The following HS6ST2 variants were observed in gnomAD, a reference collection of about 807,000 sequenced individuals.
The protein encoded by HS6ST2 is heparan-sulfate 6-O-sulfotransferase 2.
Under a neutral mutation model 33.0 loss-of-function variants are expected in HS6ST2, and 17 were observed. The ratio of observed to expected loss-of-function variants is 0.52; its 90% CI spans 0.35 to 0.77. HS6ST2 has a LOEUF of 0.77. Among genes scored for constraint, HS6ST2 ranks in the 30% least tolerant of loss-of-function variants. The pLI is 0.01. For missense variants in HS6ST2, 519 were observed against 551.7 expected (o/e 0.94, Z 0.59); for synonymous variants, 248 against 237.1 (o/e 1.05, Z -0.42).
At chrX:132,734,783 C>T (rs2064492959) in intron 2 of HS6ST2, among the ~76,000 whole-genome samples, 1 of 112,876 alleles carries the variant, frequency 8.9e-6, no homozygotes, top group Admixed American at 9.3e-5. Context: ...AACCAAAGCA[C>T]CATCTTTAGG....
intron 2 of HS6ST2, among the ~76,000 whole-genome samples, chrX:132,829,034 T>G (rs988167498): frequency 2.9e-5 from 3 of 103,743 alleles, no homozygotes; most frequent in Non-Finnish European, 5.9e-5. Context: ...TCGAGTAGAT[T>G]CATGTTAATA....
At chrX:132,855,357 G>A (rs1451721950) in intron 2 of HS6ST2, among the ~76,000 whole-genome samples, 2 of 112,281 alleles carry the variant, frequency 1.8e-5, no homozygotes, top group African/African-American at 6.5e-5. Flanking sequence ...TTAAGATAAT[G>A]AAACTGACTC....
intron 2 of HS6ST2, among the ~76,000 whole-genome samples, chrX:132,951,342 G>A (rs930985326): frequency 4.5e-5 from 5 of 110,544 alleles, no homozygotes; most frequent in African/African-American, 1.6e-4. Context: ...GAACCTTTCG[G>A]GTCTGGCCAG....
chrX:132,804,314 G>A (rs779588685), intron 2 of HS6ST2, among the ~76,000 whole-genome samples: 1 of 111,638 alleles, frequency 9.0e-6, no homozygotes, highest in Non-Finnish European at 1.9e-5. Context: ...ACCCTGCCCC[G>A]AGCAAGTGTG....
chrX:132,813,196 T>A (rs1225623412), intron 2 of HS6ST2, among the ~76,000 whole-genome samples: 2 of 111,774 alleles, frequency 1.8e-5, no homozygotes, highest in Non-Finnish European at 3.8e-5. Flanking sequence ...ATAACCTCTT[T>A]AATTACTAAA....
At chrX:132,678,614 G>A (rs1030610637) in intron 3 of HS6ST2, among the ~76,000 whole-genome samples, 3 of 112,264 alleles carry the variant, frequency 2.7e-5, no homozygotes, top group East Asian at 2.8e-4. Flanking sequence ...GTTTGAATGC[G>A]TGTTATTTCT....
At chrX:132,870,643 A>G (rs1257274238) in intron 2 of HS6ST2, among the ~76,000 whole-genome samples, 2 of 111,504 alleles carry the variant, frequency 1.8e-5, no homozygotes, top group Admixed American at 1.9e-4. Flanking sequence ...TTTTGACAAA[A>G]CTATCAAAAA....
intron 3 of HS6ST2, among the ~76,000 whole-genome samples, chrX:132,687,228 A>G (rs1034304452): frequency 1.8e-5 from 2 of 111,257 alleles, no homozygotes; most frequent in Admixed American, 1.9e-4. Flanking sequence ...AGGAGTTGAG[A>G]CCAGGTGTCT....
At chrX:132,838,807 G>A (rs748245383) in intron 2 of HS6ST2, among the ~76,000 whole-genome samples, 9 of 108,577 alleles carry the variant, frequency 8.3e-5, no homozygotes, top group Non-Finnish European at 1.5e-4. Flanking sequence ...ATTAAAAAGC[G>A]GGCAAAAGAC....
intron 2 of HS6ST2, among the ~76,000 whole-genome samples, chrX:132,930,477 C>T (rs1273461469): frequency 9.0e-6 from 1 of 111,426 alleles, no homozygotes; most frequent in Non-Finnish European, 1.9e-5. Context: ...TGGAAAGGCT[C>T]TTTGTCCCTA....
intron 2 of HS6ST2, among the ~76,000 whole-genome samples, chrX:132,869,977 G>A (rs1268943127): frequency 6.3e-5 from 7 of 111,461 alleles, no homozygotes; most frequent in Non-Finnish European, 1.3e-4. Context: ...AAGTCGAATT[G>A]TCTCTGTTTG....
chrX:132,866,928 G>C (rs1295450430), intron 2 of HS6ST2, among the ~76,000 whole-genome samples: 4 of 105,383 alleles, frequency 3.8e-5, no homozygotes, highest in African/African-American at 7.0e-5. Context: ...TCTGCAAACA[G>C]GGACAATTTG....
chrX:132,822,357 T>A (rs1269045511), intron 2 of HS6ST2, among the ~76,000 whole-genome samples: 3 of 111,018 alleles, frequency 2.7e-5, no homozygotes, highest in Admixed American at 9.6e-5. Context: ...CTCTCTGATA[T>A]CAGAGCCGCA....
chrX:132,919,191 T>C (rs1474820838), intron 2 of HS6ST2, among the ~76,000 whole-genome samples: 2 of 112,281 alleles, frequency 1.8e-5, no homozygotes, highest in African/African-American at 6.5e-5. Flanking sequence ...ACTGTCACTA[T>C]GAAAAGACTG....
chrX:132,721,157 C>G (rs1045359363), intron 2 of HS6ST2, among the ~76,000 whole-genome samples: 1 of 111,912 alleles, frequency 8.9e-6, no homozygotes, highest in Non-Finnish European at 1.9e-5. Flanking sequence ...GGATCATTCT[C>G]AAGGATAGAC....
intron 2 of HS6ST2, among the ~76,000 whole-genome samples, chrX:132,864,749 T>A (rs1307070685): frequency 1.8e-5 from 2 of 109,774 alleles, no homozygotes; most frequent in African/African-American, 6.6e-5. Flanking sequence ...ATTGAGGAAA[T>A]ACAGAGAACA....
chrX:132,957,255 A>G lies in HS6ST2; in HGVS notation c.500T>C (p.Ile167Thr), dbSNP rs2148509643. Residue 167 changes from isoleucine (I) to threonine (T), a missense_variant, in exon 2 of 5, where the codon ATC (isoleucine) becomes ACC (threonine). Coordinates refer to ENST00000370833, the MANE Select transcript of HS6ST2 (RefSeq NM_001394073.1). ...ALVMLFLFAV[I>T]VLQYVCPGTE... ...GCCGGGGCACACGTATTGGAGGACG[A>G]TCACGGCAAATAGGAAGAGCATCAC... The G allele has an allele frequency of 8.4e-7, 1 of 1,193,071 alleles. No homozygotes were observed. The highest frequency in any genetic ancestry group is 2.3e-5 in the Admixed American group (1 of 44,294).
intron 2 of HS6ST2, among the ~76,000 whole-genome samples, chrX:132,720,328 T>C (rs760136908): frequency 9.0e-6 from 1 of 111,551 alleles, no homozygotes; most frequent in African/African-American, 3.3e-5. Context: ...CAGCTGGGTT[T>C]GTGTAAATCG....
intron 2 of HS6ST2, among the ~76,000 whole-genome samples, chrX:132,903,792 T>A (rs2066446771): frequency 8.9e-6 from 1 of 112,564 alleles, no homozygotes; most frequent in African/African-American, 3.2e-5. Context: ...ATCTATAATA[T>A]ATAGTTTCTT....
Sources: allele counts gnomAD v4.1 joint callset (sites outside exome capture counted in the v4.1 genomes callset), GRCh38; gene constraint gnomAD v4.1.1; transcripts MANE v1.5; gene names NCBI Gene and HGNC (gene_info 2026-07-23, HGNC 2026-07-21).